GKAP1: variants seen among roughly 807,000 people sequenced by gnomAD.
GKAP1 encodes the protein G kinase-anchoring protein 1.
Under a neutral mutation model 56.7 loss-of-function variants are expected in GKAP1, and 31 were observed. That is an observed-to-expected ratio of 0.55 (90% confidence interval 0.41 to 0.74). The LOEUF is 0.74. Ranked by LOEUF, GKAP1 falls within the 30% of genes least tolerant of loss-of-function variation. The pLI is 0.00. For synonymous variants in GKAP1, 151 were observed against 138.6 expected (o/e 1.09, Z -0.63); for missense variants, 364 against 402.3 (o/e 0.90, Z 0.82).
chr9:83,796,231 C>T (rs1476066559), intron 4 of GKAP1, among the ~76,000 whole-genome samples: 1 of 152,030 alleles, frequency 6.6e-6, no homozygotes, highest in African/African-American at 2.4e-5. Context: ...TGCACTCGGC[C>T]TATCAACATA....
At chr9:83,757,664 G>GT (rs1393016579) in intron 8 of GKAP1, among the ~76,000 whole-genome samples, 1 of 152,124 alleles carries the variant, frequency 6.6e-6, no homozygotes, top group East Asian at 1.9e-4. Context: ...TTAGCAGGGT[G>GT]TAACACATTA....
chr9:83,782,826 G>A (rs1015200604), intron 6 of GKAP1, among the ~76,000 whole-genome samples: 9 of 149,860 alleles, frequency 6.0e-5, no homozygotes, highest in African/African-American at 2.0e-4. Context: ...GCCACCACAC[G>A]CCCACCTACT....
intron 7 of GKAP1, among the ~76,000 whole-genome samples, chr9:83,771,253 T>G (rs867560922): frequency 4.0e-5 from 6 of 151,848 alleles, no homozygotes; most frequent in African/African-American, 1.5e-4. Context: ...TGTTTGTTTG[T>G]TTGTTTGTTT....
chr9:83,770,489 A>C (rs757699202), intron 7 of GKAP1, among the ~76,000 whole-genome samples: 5 of 152,146 alleles, frequency 3.3e-5, no homozygotes, highest in South Asian at 2.1e-4. Flanking sequence ...ATCAATCTGT[A>C]AATGTCTATT....
intron 3 of GKAP1, among the ~76,000 whole-genome samples, chr9:83,800,342 G>GTT (rs141368354): frequency 6.5e-5 from 8 of 122,400 alleles, no homozygotes; most frequent in East Asian, 2.4e-4. Context: ...TTTTTTTTTT[G>GTT]TTTTTTTTTT....
chr9:83,791,944 A>G (rs2131303008), intron 4 of GKAP1, among the ~76,000 whole-genome samples: 1 of 152,358 alleles, frequency 6.6e-6, no homozygotes, highest in East Asian at 1.9e-4. Context: ...TTATAATATT[A>G]AGAATAGATA....
rs181525222 is a variant in GKAP1, at chr9:83,776,120, C to T, written c.585+4262G>A. ...CCAGTCAACTATGAGGTCAACTCTC[C>T]CCCTATTCTTCCATGATGTGGTTAC... On this transcript the variant is annotated intron_variant, in intron 7 of 12. Transcript: ENST00000376371. 3.1e-3 allele frequency among the ~76,000 whole-genome samples: 470 copies of T among 152,050 alleles called. 1 individual carries two copies. The highest frequency in any genetic ancestry group is 5.2e-3 in the Admixed American group (80 of 15,258).
chr9:83,785,338 C>G, intron 5 of GKAP1, among the ~76,000 whole-genome samples: 1 of 152,112 alleles, frequency 6.6e-6, no homozygotes, highest in East Asian at 1.9e-4. Flanking sequence ...CATTATCCCA[C>G]TCTTAACCTA....
At chr9:83,782,774 C>A (rs939318157) in intron 6 of GKAP1, among the ~76,000 whole-genome samples, 1 of 148,784 alleles carries the variant, frequency 6.7e-6, no homozygotes, top group African/African-American at 2.5e-5. Context: ...TCAATAGATT[C>A]TCCTGCCTCA....
chr9:83,772,783 G>T (rs1451650121), intron 7 of GKAP1, among the ~76,000 whole-genome samples: 2 of 152,086 alleles, frequency 1.3e-5, no homozygotes, highest in Non-Finnish European at 2.9e-5. Flanking sequence ...AATTTGAATA[G>T]ATATTTCCAG....
intron 7 of GKAP1, among the ~76,000 whole-genome samples, chr9:83,771,343 A>G (rs1023821885): frequency 6.6e-6 from 1 of 152,084 alleles, no homozygotes. Context: ...TCAGCCTCCC[A>G]AAGTGCTAGG....
chr9:83,747,485 A>T (rs964468804), intron 10 of GKAP1, among the ~76,000 whole-genome samples: 1 of 152,174 alleles, frequency 6.6e-6, no homozygotes, highest in Non-Finnish European at 1.5e-5. Flanking sequence ...AATCCTAAGC[A>T]AATGTTAGGC....
intron 9 of GKAP1, among the ~76,000 whole-genome samples, chr9:83,750,996 C>T (rs1943380165): frequency 1.3e-5 from 2 of 152,010 alleles, no homozygotes; most frequent in African/African-American, 2.4e-5. Flanking sequence ...CCACCAAGCC[C>T]GGCTAATTTT....
chr9:83,763,541 C>T (rs1278499692), intron 8 of GKAP1, among the ~76,000 whole-genome samples: 13 of 152,072 alleles, frequency 8.5e-5, no homozygotes, highest in Non-Finnish European at 8.8e-5. Flanking sequence ...AATATATACA[C>T]CTACTATGTA....
At chr9:83,759,704 C>A (rs904375262) in intron 8 of GKAP1, among the ~76,000 whole-genome samples, 2 of 152,030 alleles carry the variant, frequency 1.3e-5, no homozygotes, top group African/African-American at 4.8e-5. Flanking sequence ...AAAGTGAATG[C>A]CAAATTGTTT....
At chr9:83,785,856 A>G (rs1313312971) in intron 5 of GKAP1, among the ~76,000 whole-genome samples, 2 of 152,136 alleles carry the variant, frequency 1.3e-5, no homozygotes, top group Non-Finnish European at 2.9e-5. Flanking sequence ...ATAAAACCCA[A>G]TCTCCTTGCC....
chr9:83,788,392 C>T (rs544756396), intron 5 of GKAP1, among the ~76,000 whole-genome samples: 6 of 152,258 alleles, frequency 3.9e-5, no homozygotes, highest in South Asian at 4.1e-4. Context: ...TCCAAGTCAC[C>T]GGACAAAGCT....
intron 8 of GKAP1, among the ~76,000 whole-genome samples, chr9:83,758,042 G>T (rs1475673081): frequency 6.6e-6 from 1 of 152,138 alleles, no homozygotes; most frequent in East Asian, 1.9e-4. Flanking sequence ...AGCCCCGAAG[G>T]CCACAAGAGG....
intron 8 of GKAP1, among the ~76,000 whole-genome samples, chr9:83,765,808 T>A (rs2131263454): frequency 6.6e-6 from 1 of 152,334 alleles, no homozygotes; most frequent in East Asian, 1.9e-4. Context: ...TCCCATTGTA[T>A]CTAGGAAGTA....
Sources: allele counts gnomAD v4.1 joint callset (sites outside exome capture counted in the v4.1 genomes callset), GRCh38; gene constraint gnomAD v4.1.1; transcripts MANE v1.5; gene names NCBI Gene and HGNC (gene_info 2026-07-23, HGNC 2026-07-21).